PLEKHG3: variants seen among roughly 807,000 people sequenced by gnomAD.
The protein encoded by PLEKHG3 is pleckstrin homology and RhoGEF domain containing G3.
PLEKHG3 carries 62 observed loss-of-function variants against 94.9 expected under a neutral mutation model. The ratio of observed to expected loss-of-function variants is 0.65; its 90% CI spans 0.53 to 0.81. PLEKHG3 has a LOEUF of 0.81. PLEKHG3 is among the 30% of genes least tolerant of loss of function. The probability of loss-of-function intolerance (pLI) is 0.00; values close to 1 mark genes in which losing one functional copy is unlikely to be tolerated. For synonymous variants in PLEKHG3, 614 were observed against 654.0 expected, an observed-to-expected ratio of 0.94 and a Z score of 0.93; for missense variants, 1,461 against 1,619.3, an observed-to-expected ratio of 0.90 and a Z score of 1.68.
At position 64,744,177 on chromosome 14, in the gene PLEKHG3, A is replaced by T. The variant is rs1045536506; in HGVS notation, c.*474A>T. ...TTATTGCTTTCCATTCTGTGGTATG[A>T]TGTGCGTGTGCGTGAGTGTGTGGCC... On this transcript the variant is annotated 3_prime_UTR_variant, in exon 17 of 17. Transcript: ENST00000247226. 1.3e-5 allele frequency: 2 copies of T among 154,958 alleles called. No homozygotes were observed. Among genetic ancestry groups the T allele is most frequent in the African/African-American group, 4.8e-5 (2 of 41,484 alleles). 9.6% of individuals were successfully genotyped at this position (154,958 alleles called of 1,614,324 possible). A position where few individuals can be genotyped will look rare whatever the true frequency, so the allele number is the denominator to read the frequency against.
chr14:64,741,701 A>G lies in PLEKHG3; in HGVS notation c.2184A>G (p.Glu728=), dbSNP rs1382569423. ...TTAAGAGCTATTATGAAAATGCAGA[A>G]CACCATGATGCAGGCTTCAGCGTCC... The part of the protein sequence containing the change: ...DKIKSYYENA[E]HHDAGFSVRR... Residue 728 remains glutamate, a synonymous_variant, in exon 16 of 17, where the codon GAA becomes GAG. Transcript: ENST00000247226. The G allele has an allele frequency of 6.2e-7, 1 of 1,613,076 alleles. No individual in the cohort carries two copies. The highest frequency in any genetic ancestry group is 1.7e-5 in the Admixed American group (1 of 60,022).
rs1281632183 is a variant in PLEKHG3 at position 64,748,864 on chromosome 14, G to T, written c.*5161G>T. The stretch of plus-strand genomic sequence containing the variant: ...CCCTTTCCCTGGCTGCCACCAGGTG[G>T]GAGGTGACCCGAAGCAAGACTTGCT... On this transcript the variant is annotated 3_prime_UTR_variant, in exon 17 of 17. Transcript: ENST00000247226. 4 of 171,128 alleles carry T rather than the reference G, an allele frequency of 2.3e-5. No homozygotes were observed. Among genetic ancestry groups the T allele is most frequent in the Non-Finnish European group, 4.9e-5 (4 of 81,416 alleles). The allele number at this position is 171,128 out of a possible 1,614,324, so 10.6% of individuals were successfully genotyped here.
chr14:64,733,752 G>T (rs1468292945), intron 12 of PLEKHG3, among the ~76,000 whole-genome samples: 1 of 152,248 alleles, frequency 6.6e-6, no homozygotes. Context: ...TCCTGGACTT[G>T]CTAGGGTGTT....
chr14:64,704,426 TCC>T lies in PLEKHG3; in HGVS notation c.-316_-315del, dbSNP rs2080940515. ...CTCCCTCGCTCCCTCGCTCCCTCGCTCCCTCGCTCCCTCGCTCCCTCCTGCCC... is the reference window on the plus strand; with the variant it reads ...CTCCCTCGCTCCCTCGCTCCCTCGCTCTCGCTCCCTCGCTCCCTCCTGCCC... On this transcript the variant is annotated 5_prime_UTR_variant, in exon 1 of 17. Coordinates refer to ENST00000247226, the MANE Select transcript of PLEKHG3 (RefSeq NM_001308147.2). The surrounding 1 kb of genome is among the most constrained non-coding windows in gnomAD (Gnocchi z 5.6). 2 of 160,532 alleles carry T rather than the reference TCC, an allele frequency of 1.2e-5. No homozygotes were observed. The highest frequency in any genetic ancestry group is 5.0e-5 in the African/African-American group (2 of 39,832). 9.9% of individuals were successfully genotyped at this position (160,532 alleles called of 1,614,324 possible).
chr14:64,737,334 G>A (rs1234971248), intron 13 of PLEKHG3, 22 bp from the exon 14 acceptor site: 3 of 1,602,704 alleles, frequency 1.9e-6, no homozygotes, highest in Non-Finnish European at 2.6e-6. Context: ...TGTGCTGGGG[G>A]ACCCGGTGGT....
Position 64,727,806 on chromosome 14 carries a change from C to G in PLEKHG3, c.175C>G (p.Pro59Ala). 6.2e-7 allele frequency: 1 copy of G among 1,612,090 alleles called. No homozygotes were observed. The change falls in exon 2 of 17, where the codon CCC becomes GCC. Residue 59 changes from proline (P) to alanine (A), a missense_variant. Pro to Ala is a conservative substitution (Grantham distance 27, BLOSUM62 -1). Coordinates refer to ENST00000247226, the MANE Select transcript of PLEKHG3 (RefSeq NM_001308147.2). This position sits in a 1 kb window ranked among gnomAD's most constrained non-coding sequence, Gnocchi z 6.0. ...AGGCTCCCTGAGAAGCCGGCATCTG[C>G]CCAACAGCAACAACAACTCCAGCAG... ...GAGSLRSRHL[P>A]NSNNNSSSWL...
In PLEKHG3 at chr14:64,741,155, T is replaced by C. The variant is rs1400210897; in HGVS notation, c.1638T>C (p.Asp546=). The change falls in exon 16 of 17, where the codon GAT becomes GAC. Residue 546 remains aspartate (D), a synonymous_variant. Coordinates refer to ENST00000247226, the MANE Select transcript of PLEKHG3 (RefSeq NM_001308147.2). The part of the protein sequence containing the change: ...ESPEVLETQL[D]AHQGLLGMDP... The stretch of plus-strand genomic sequence containing the variant: ...CAGAAGTCCTGGAGACACAGCTTGA[T>C]GCCCACCAGGGCCTTCTGGGGATGG... 2 of 1,614,030 alleles carry C rather than the reference T, an allele frequency of 1.2e-6. No individual in the cohort carries two copies. Among genetic ancestry groups the C allele is most frequent in the Non-Finnish European group, 1.7e-6 (2 of 1,180,036 alleles).
rs759976772 is a variant in PLEKHG3, at chr14:64,730,688, A to G, written c.566A>G (p.Asn189Ser). 6.2e-7 allele frequency: 1 copy of G among 1,612,704 alleles called. No homozygotes were observed. Among genetic ancestry groups the G allele is most frequent in the East Asian group, 2.2e-5 (1 of 44,882 alleles). ...IYTQYCNNYP[N>S]SVAALTECMR... Reference sequence around the variant, plus strand: ...ACTCAGTATTGCAACAATTACCCCAAGTGAGTAATTGGGGTGAGAGGGAAG... The same window carrying G: ...ACTCAGTATTGCAACAATTACCCCAGGTGAGTAATTGGGGTGAGAGGGAAG... The change falls in exon 5 of 17, where the codon AAC becomes AGC. Residue 189 changes from asparagine to serine, a missense_variant and splice_region_variant. By Grantham distance (46) the Asn-to-Ser change is conservative. Transcript: ENST00000247226. This position sits in a 1 kb window ranked among gnomAD's most constrained non-coding sequence, Gnocchi z 5.4.
chr14:64,719,089 C>T (rs1294865553), intron 1 of PLEKHG3, among the ~76,000 whole-genome samples: 1 of 152,178 alleles, frequency 6.6e-6, no homozygotes, highest in Admixed American at 6.5e-5. Context: ...GGGTGTCAGA[C>T]TACTTTTCCT....
At position 64,732,414 on chromosome 14, in the gene PLEKHG3, C is replaced by G; in HGVS notation, c.1213-13C>G. The G allele has an allele frequency of 6.2e-7, 1 of 1,612,038 alleles. No individual in the cohort carries two copies. The highest frequency in any genetic ancestry group is 1.1e-5 in the South Asian group (1 of 91,048). The stretch of plus-strand genomic sequence containing the variant: ...GGTAAGGTAATAACCAGGTGTGTTT[C>G]CTTCCCCTTCAGGCCAAGGAAGCCA... On this transcript the variant is annotated splice_polypyrimidine_tract_variant and intron_variant, in intron 10 of 16. Transcript: ENST00000247226. This position sits in a 1 kb window ranked among gnomAD's most constrained non-coding sequence, Gnocchi z 4.9.
intron 16 of PLEKHG3, 140 bp downstream of exon 16, chr14:64,742,595 A>C (rs2081728327): frequency 6.0e-6 from 4 of 666,476 alleles, no homozygotes; most frequent in Non-Finnish European, 1.0e-5. Context: ...CACTAAGGGC[A>C]CAGGGTGAGC....
Position 64,720,251 on chromosome 14 carries a change from G to T in PLEKHG3, c.-39-7342G>T, listed in dbSNP as rs1344482790. Among the ~76,000 whole-genome samples the T allele has an allele frequency of 1.3e-5, 2 of 152,188 alleles. No individual in the cohort carries two copies. Among genetic ancestry groups the T allele is most frequent in the African/African-American group, 4.8e-5 (2 of 41,442 alleles). On this transcript the variant is annotated intron_variant, in intron 1 of 16. Transcript: ENST00000247226. This position sits in a 1 kb window ranked among gnomAD's most constrained non-coding sequence, Gnocchi z 4.1. ...CTGGTCACCTAGTATGTAGCCCAGC[G>T]GGGCAGCTATGCCGTGCTCTAGCTC...
intron 1 of PLEKHG3, among the ~76,000 whole-genome samples, chr14:64,712,912 T>C (rs767855009): frequency 6.6e-6 from 1 of 152,238 alleles, no homozygotes; most frequent in Non-Finnish European, 1.5e-5. Context: ...ATTGTCTTTC[T>C]CCATTGATTA....
At chr14:64,734,845 C>T (rs1036139746) in intron 12 of PLEKHG3, among the ~76,000 whole-genome samples, 1 of 151,874 alleles carries the variant, frequency 6.6e-6, no homozygotes, top group Non-Finnish European at 1.5e-5. Context: ...CTCAGCCGCC[C>T]GAGTAGCTGG....
In PLEKHG3 at chr14:64,716,092, G is replaced by A. The variant is rs568387666; in HGVS notation, c.-40+11388G>A. The A allele has an allele frequency of 1.3e-5, 6 of 456,042 alleles. No homozygotes were observed. The highest frequency in any genetic ancestry group is 2.4e-5 in the Admixed American group (1 of 42,512). The allele number at this position is 456,042 out of a possible 1,614,324, so 28.2% of individuals were successfully genotyped here. A position where few individuals can be genotyped will look rare whatever the true frequency, so the allele number is the denominator to read the frequency against. On this transcript the variant is annotated intron_variant, in intron 1 of 16. Coordinates refer to ENST00000247226, the MANE Select transcript of PLEKHG3 (RefSeq NM_001308147.2). The surrounding 1 kb of genome is among the most constrained non-coding windows in gnomAD (Gnocchi z 5.0). ...GGATGGGAGCTCTCCTGAGGAAAGC[G>A]GTAGGTACCCGGCTGGGGCCAGGCC...
In PLEKHG3 at chr14:64,716,570, A is replaced by G. The variant is rs144116280; in HGVS notation, c.-39-11023A>G. Among the ~76,000 whole-genome samples the G allele has an allele frequency of 6.9e-6, 1 of 144,084 alleles. No individual in the cohort carries two copies. The highest frequency in any genetic ancestry group is 1.5e-5 in the Non-Finnish European group (1 of 66,864). The allele number at this position is 144,084 out of a possible 152,430, so 94.5% of individuals were successfully genotyped here. A position where few individuals can be genotyped will look rare whatever the true frequency, so the allele number is the denominator to read the frequency against. ...ACACACAAAGCAGAGTTAATCTCCC[A>G]CTTCTTCCTGATGTTTCCTTTTCCC... is the stretch of plus-strand genomic sequence containing the variant. On this transcript the variant is annotated intron_variant, in intron 1 of 16. Coordinates refer to ENST00000247226, the MANE Select transcript of PLEKHG3 (RefSeq NM_001308147.2). The surrounding 1 kb of genome is among the most constrained non-coding windows in gnomAD (Gnocchi z 5.0).
In PLEKHG3 at chr14:64,722,173, G is replaced by C. The variant is rs2081273177; in HGVS notation, c.-39-5420G>C. Among the ~76,000 whole-genome samples, 1 of 152,062 alleles carries C rather than the reference G, an allele frequency of 6.6e-6. No individual in the cohort carries two copies. The highest frequency in any genetic ancestry group is 2.4e-5 in the African/African-American group (1 of 41,400). On this transcript the variant is annotated intron_variant, in intron 1 of 16. Transcript: ENST00000247226. This position sits in a 1 kb window ranked among gnomAD's most constrained non-coding sequence, Gnocchi z 4.3. ...TGAGGGATGAAGGCCACACAGGAGG[G>C]CTGCGCCATCGCCGTTCCTGAGTGA...
chr14:64,731,854 G>A lies in PLEKHG3; in HGVS notation c.1125+48G>A. On this transcript the variant is annotated intron_variant, in intron 9 of 16. Coordinates refer to ENST00000247226, the MANE Select transcript of PLEKHG3 (RefSeq NM_001308147.2). The surrounding 1 kb of genome is among the most constrained non-coding windows in gnomAD (Gnocchi z 6.1). ...GGGCTAGGGAACAAGATGCCCAGGG[G>A]ACACCTGCGTGGGACTCCTGGCTCC... The A allele has an allele frequency of 1.5e-6, 2 of 1,362,766 alleles. No homozygotes were observed. Among genetic ancestry groups the A allele is most frequent in the Non-Finnish European group, 2.1e-6 (2 of 954,122 alleles). The allele number at this position is 1,362,766 out of a possible 1,614,324, so 84.4% of individuals were successfully genotyped here.
chr14:64,738,013 C>T lies in PLEKHG3; in HGVS notation c.1404+638C>T. The T allele has an allele frequency of 7.9e-7, 1 of 1,270,026 alleles. No homozygotes were observed. Among genetic ancestry groups the T allele is most frequent in the Non-Finnish European group, 1.0e-6 (1 of 981,818 alleles). 78.7% of individuals were successfully genotyped at this position (1,270,026 alleles called of 1,614,324 possible). ...GAGGAGGAGGAGGAGGAAGAGCAGG[C>T]CTTTCAGGTCTCTCTGGAGGACCTG... On this transcript the variant is annotated intron_variant, in intron 14 of 16. Transcript: ENST00000247226. This position sits in a 1 kb window ranked among gnomAD's most constrained non-coding sequence, Gnocchi z 4.8.
Sources: allele counts gnomAD v4.1 joint callset (sites outside exome capture counted in the v4.1 genomes callset), GRCh38; gene constraint gnomAD v4.1.1; non-coding constraint Gnocchi (gnomAD v3.1); transcripts MANE v1.5; gene names NCBI Gene and HGNC (gene_info 2026-07-23, HGNC 2026-07-21).